Variants in EYS observed in about 807,000 individuals in gnomAD.
EYS encodes EGF-like photoreceptor maintenance factor.
Under a neutral mutation model 282.1 loss-of-function variants are expected in EYS, and 250 were observed. The ratio of observed to expected loss-of-function variants is 0.89; its 90% CI spans 0.80 to 0.98. The LOEUF is 0.98. EYS is among the 50% of genes least tolerant of loss of function. The probability of loss-of-function intolerance (pLI) is 0.00; values close to 1 mark genes in which losing one functional copy is unlikely to be tolerated. For missense variants in EYS, 4,016 were observed against 3,709.0 expected (o/e 1.08, Z -2.15); for synonymous variants, 1,355 against 1,282.9 (o/e 1.06, Z -1.20).
intron 26 of EYS, among the ~76,000 whole-genome samples, chr6:64,513,012 A>G (rs74582880): frequency 6.7e-6 from 1 of 148,802 alleles, no homozygotes; most frequent in African/African-American, 2.5e-5. Context: ...TACTTAAAGG[A>G]AAAAAAAAAG....
chr6:64,467,050 A>G (rs1392439447), intron 26 of EYS, among the ~76,000 whole-genome samples: 1 of 152,202 alleles, frequency 6.6e-6, no homozygotes, highest in East Asian at 1.9e-4. Flanking sequence ...CAATAGTCTA[A>G]TAAGAATAAA....
At chr6:64,847,139 T>C (rs1199970780) in intron 19 of EYS, among the ~76,000 whole-genome samples, 4 of 152,104 alleles carry the variant, frequency 2.6e-5, no homozygotes, top group African/African-American at 9.7e-5. Flanking sequence ...GGACTTGGAT[T>C]GCAACTTATG....
In EYS at chr6:65,484,918, G is replaced by A. The variant is rs183426213; in HGVS notation, c.862+5676C>T. Among the ~76,000 whole-genome samples the A allele has an allele frequency of 5.7e-4, 86 of 152,190 alleles. 1 individual carries two copies. Among genetic ancestry groups the A allele is most frequent in the Middle Eastern group, 3.4e-3 (1 of 292 alleles). On this transcript the variant is annotated intron_variant, in intron 5 of 42. Coordinates refer to ENST00000503581, the MANE Select transcript of EYS (RefSeq NM_001142800.2). ...ATCCACACATTTATGTTTGTCTATG[G>A]CTGCTTTCATGCTGCAATAGCAGAG...
chr6:64,536,057 A>G (rs1490929628), intron 26 of EYS, among the ~76,000 whole-genome samples: 2 of 152,048 alleles, frequency 1.3e-5, no homozygotes, highest in Non-Finnish European at 1.5e-5. Flanking sequence ...TTCTAATACC[A>G]TATATCAACT....
intron 2 of EYS, among the ~76,000 whole-genome samples, chr6:65,541,898 G>A (rs1006857957): frequency 1.3e-5 from 2 of 152,138 alleles, no homozygotes; most frequent in African/African-American, 4.8e-5. Context: ...CACCATCACG[G>A]AGGATGGAAT....
At chr6:63,976,878 C>T (rs1205020806) in intron 35 of EYS, among the ~76,000 whole-genome samples, 3 of 151,778 alleles carry the variant, frequency 2.0e-5, no homozygotes, top group African/African-American at 7.3e-5. Context: ...AAAAATTTTA[C>T]AGATTCAAAT....
chr6:65,514,540 T>C (rs1400312688), intron 2 of EYS, among the ~76,000 whole-genome samples: 4 of 152,142 alleles, frequency 2.6e-5, no homozygotes, highest in Non-Finnish European at 4.4e-5. Flanking sequence ...CTTCAAACTA[T>C]ACTACAAGGC....
chr6:64,489,140 C>T (rs760847060), intron 26 of EYS, among the ~76,000 whole-genome samples: 32 of 150,898 alleles, frequency 2.1e-4, no homozygotes, highest in Admixed American at 6.0e-4. Flanking sequence ...TCACATACTG[C>T]TTTTTTATGG....
At chr6:65,423,137 A>T (rs1300947538) in intron 5 of EYS, among the ~76,000 whole-genome samples, 1 of 151,828 alleles carries the variant, frequency 6.6e-6, no homozygotes, top group African/African-American at 2.4e-5. Flanking sequence ...TAAATGAGGG[A>T]AAACAAAACT....
intron 2 of EYS, among the ~76,000 whole-genome samples, chr6:65,525,064 T>TC: frequency 6.6e-6 from 1 of 152,032 alleles, no homozygotes; most frequent in Non-Finnish European, 1.5e-5. Flanking sequence ...GATTTTTTTT[T>TC]TTTTCAATTT....
intron 28 of EYS, among the ~76,000 whole-genome samples, chr6:64,430,757 G>A (rs1774550159): frequency 6.6e-6 from 1 of 152,064 alleles, no homozygotes; most frequent in Non-Finnish European, 1.5e-5. Flanking sequence ...CTAATCTCTA[G>A]CCAACAGAAT....
intron 13 of EYS, among the ~76,000 whole-genome samples, chr6:65,027,371 T>C (rs1014420915): frequency 4.6e-5 from 7 of 152,212 alleles, no homozygotes; most frequent in African/African-American, 1.7e-4. Flanking sequence ...CAGTCTTCAT[T>C]AGCAGATTTG....
chr6:64,944,711 G>A lies in EYS; in HGVS notation c.2381+1082C>T, dbSNP rs148640827. ...GCAGCTGAGATAGAGGAAGGCCACTGTCTCCTGCCTGTCCCTGGGAACTGA... is the reference window on the plus strand; with the variant it reads ...GCAGCTGAGATAGAGGAAGGCCACTATCTCCTGCCTGTCCCTGGGAACTGA... On this transcript the variant is annotated intron_variant, in intron 15 of 42. Coordinates refer to ENST00000503581, the MANE Select transcript of EYS (RefSeq NM_001142800.2). Among the ~76,000 whole-genome samples the A allele has an allele frequency of 8.4e-3, 1,281 of 152,120 alleles. 9 individuals carry two copies. The highest frequency in any genetic ancestry group is 0.027 in the Middle Eastern group (8 of 294).
intron 29 of EYS, among the ~76,000 whole-genome samples, chr6:64,337,527 C>G (rs1461653697): frequency 1.3e-5 from 2 of 151,960 alleles, no homozygotes; most frequent in Non-Finnish European, 2.9e-5. Context: ...AAGATGGATT[C>G]AGAGCAGAAT....
intron 35 of EYS, among the ~76,000 whole-genome samples, chr6:63,898,359 C>G (rs920191049): frequency 1.3e-5 from 2 of 151,922 alleles, no homozygotes; most frequent in Admixed American, 1.3e-4. Flanking sequence ...GGCGTGGTGG[C>G]GCATGTCTGT....
intron 29 of EYS, among the ~76,000 whole-genome samples, chr6:64,338,083 C>G (rs1040328444): frequency 2.0e-5 from 3 of 151,816 alleles, no homozygotes; most frequent in Admixed American, 6.6e-5. Context: ...ACAAGGATAC[C>G]CACTCTCACC....
intron 12 of EYS, among the ~76,000 whole-genome samples, chr6:65,171,276 T>A (rs1398239469): frequency 6.6e-6 from 1 of 151,584 alleles, no homozygotes; most frequent in African/African-American, 2.4e-5. Context: ...TTATATCCTT[T>A]CTTTTTCCAT....
chr6:65,110,981 C>A (rs1775199759), intron 12 of EYS, among the ~76,000 whole-genome samples: 1 of 151,950 alleles, frequency 6.6e-6, no homozygotes, highest in African/African-American at 2.4e-5. Flanking sequence ...ATCTGAACTG[C>A]CTCAATGATA....
intron 12 of EYS, among the ~76,000 whole-genome samples, chr6:65,105,277 G>A (rs1301119263): frequency 2.0e-5 from 3 of 151,192 alleles, no homozygotes; most frequent in Non-Finnish European, 3.0e-5. Context: ...AATTTCTTCA[G>A]TCTTCTACTG....
Sources: gnomAD v4.1 joint callset for allele counts (sites outside exome capture counted in the v4.1 genomes callset) on GRCh38, gnomAD v4.1.1 for gene constraint, MANE v1.5 for transcripts, NCBI Gene and HGNC (gene_info 2026-07-23, HGNC 2026-07-21) for gene names.